PRH1: variants seen among roughly 807,000 people sequenced by gnomAD.
The protein encoded by PRH1 is proline rich protein HaeIII subfamily 1.
In PRH1, 7 loss-of-function variants were observed where a neutral mutation model predicts 7.9. That is an observed-to-expected ratio of 0.89 (90% CI 0.50 to 1.67). The LOEUF (loss-of-function observed/expected upper bound fraction) is 1.67. PRH1 is among the 40% of genes most tolerant of loss of function. The probability of loss-of-function intolerance (pLI) is 0.00; values close to 1 mark genes in which losing one functional copy is unlikely to be tolerated. For synonymous variants in PRH1, 45 were observed against 80.8 expected, an observed-to-expected ratio of 0.56 and a Z score of 2.38; for missense variants, 109 against 223.6, an observed-to-expected ratio of 0.49 and a Z score of 3.27.
intron 2 of PRH1, among the ~76,000 whole-genome samples, chr12:10,954,088 A>C (rs1937828739): frequency 1.3e-5 from 2 of 152,194 alleles, no homozygotes; most frequent in Admixed American, 6.5e-5. Context: ...CACCAGACCC[A>C]CCTCACAAGA....
chr12:11,031,149 A>G (rs761616031), intron 1 of PRH1: 2 of 1,613,094 alleles, frequency 1.2e-6, no homozygotes, highest in Admixed American at 3.3e-5. Context: ...CAATTTAATA[A>G]TAATACCCAG....
At chr12:11,139,003 G>A (rs79443812) in intron 1 of PRH1, among the ~76,000 whole-genome samples, 5,370 of 152,202 alleles carry the variant, frequency 0.035, 308 homozygotes, top group African/African-American at 0.12. Flanking sequence ...TTGCACTTGT[G>A]CACTCCAGCC....
At chr12:10,920,534 A>T (rs1223126688) in intron 2 of PRH1, among the ~76,000 whole-genome samples, 1 of 152,058 alleles carries the variant, frequency 6.6e-6, no homozygotes, top group Admixed American at 6.6e-5. Flanking sequence ...AAGAAAGGGA[A>T]TTTTTTTAAT....
At chr12:11,163,609 G>C (rs1444276582) in intron 1 of PRH1, among the ~76,000 whole-genome samples, 1 of 152,066 alleles carries the variant, frequency 6.6e-6, no homozygotes, top group African/African-American at 2.4e-5. Flanking sequence ...AAGATTTTCA[G>C]CATGAGAAAA....
chr12:10,958,661 C>T (rs548284970), intron 2 of PRH1, among the ~76,000 whole-genome samples: 10 of 152,136 alleles, frequency 6.6e-5, no homozygotes, highest in South Asian at 2.1e-4. Context: ...GGAGTGATAA[C>T]GTTCAGTGTT....
chr12:11,013,027 G>A (rs1941135617), intron 1 of PRH1, among the ~76,000 whole-genome samples: 1 of 152,140 alleles, frequency 6.6e-6, no homozygotes, highest in Admixed American at 6.6e-5. Context: ...AGTCTTTGCA[G>A]GTGAAGGGTC....
chr12:11,083,530 T>TTTAATATTGTGA (rs1400757904), intron 1 of PRH1, among the ~76,000 whole-genome samples: 7 of 31,410 alleles, frequency 2.2e-4, no homozygotes, highest in South Asian at 1.2e-3. Context: ...TTGTGAAACA[T>TTTAATATTGTGA]AACATACATA....
At chr12:11,145,721 C>T (rs191255684) in intron 1 of PRH1, among the ~76,000 whole-genome samples, 323 of 151,900 alleles carry the variant, frequency 2.1e-3, no homozygotes, top group Non-Finnish European at 3.7e-3. Flanking sequence ...AGGTTAAAGT[C>T]GCTTAAGCCA....
chr12:10,914,737 T>C (rs1053896131), intron 2 of PRH1, among the ~76,000 whole-genome samples: 3 of 152,162 alleles, frequency 2.0e-5, no homozygotes, highest in Admixed American at 6.5e-5. Flanking sequence ...GAAAAAAATA[T>C]ATCAGAAAGA....
chr12:11,134,369 A>G, intron 1 of PRH1: 4 of 1,158,864 alleles, frequency 3.5e-6, no homozygotes, highest in East Asian at 5.1e-5. Context: ...CATTCTTTTT[A>G]CTTTTAATTG....
chr12:10,962,105 G>A (rs1435970858), intron 2 of PRH1, among the ~76,000 whole-genome samples: 1 of 152,086 alleles, frequency 6.6e-6, no homozygotes, highest in African/African-American at 2.4e-5. Flanking sequence ...ATCAGACACT[G>A]GCTCTAGTTC....
chr12:11,027,535 G>A (rs1053068462), intron 1 of PRH1, among the ~76,000 whole-genome samples: 2 of 152,236 alleles, frequency 1.3e-5, no homozygotes, highest in South Asian at 2.1e-4. Context: ...GAGACACAAT[G>A]TTTTGGGGGC....
chr12:11,064,880 C>T (rs377158609), intron 1 of PRH1, among the ~76,000 whole-genome samples: 17 of 152,014 alleles, frequency 1.1e-4, no homozygotes, highest in African/African-American at 3.1e-4. Context: ...TGCAACACAG[C>T]GAAACTGTGT....
intron 2 of PRH1, among the ~76,000 whole-genome samples, chr12:10,948,736 G>A (rs1213779691): frequency 6.6e-6 from 1 of 152,130 alleles, no homozygotes; most frequent in Non-Finnish European, 1.5e-5. Flanking sequence ...TCTCATCTCT[G>A]TATGTGGGTG....
In PRH1 at chr12:10,986,493, C is replaced by T. The variant is rs139416444; in HGVS notation, c.-125-12772G>A. The T allele has an allele frequency of 5.3e-5, 85 of 1,613,890 alleles. No individual in the cohort carries two copies. Among genetic ancestry groups the T allele is most frequent in the Non-Finnish European group, 7.0e-5 (83 of 1,180,008 alleles). On this transcript the variant is annotated intron_variant, in intron 1 of 3. Coordinates refer to the PRH1 transcript ENST00000539853. Reference sequence around the variant, plus strand: ...CACCAGAATGACACTCCTAACTCTCCTCTTTAAATGAAGAAAAAGAAGGTT... The same window carrying T: ...CACCAGAATGACACTCCTAACTCTCTTCTTTAAATGAAGAAAAAGAAGGTT...
chr12:11,071,746 G>A (rs1944079608), intron 1 of PRH1, among the ~76,000 whole-genome samples: 1 of 152,124 alleles, frequency 6.6e-6, no homozygotes, highest in African/African-American at 2.4e-5. Context: ...TGCTCGGCTG[G>A]ACTGACAAGC....
At chr12:11,036,172 C>A (rs1005916042) in intron 1 of PRH1, among the ~76,000 whole-genome samples, 2 of 151,846 alleles carry the variant, frequency 1.3e-5, no homozygotes, top group Non-Finnish European at 2.9e-5. Flanking sequence ...GGATTACAGG[C>A]GTGAGCCACC....
chr12:11,057,449 C>T (rs1455982138), intron 1 of PRH1, among the ~76,000 whole-genome samples: 3 of 152,176 alleles, frequency 2.0e-5, no homozygotes, highest in South Asian at 2.1e-4. Flanking sequence ...TCACATTCTT[C>T]GTGAACTGTA....
At chr12:11,160,643 G>A (rs1052133376) in intron 1 of PRH1, among the ~76,000 whole-genome samples, 10 of 151,988 alleles carry the variant, frequency 6.6e-5, no homozygotes, top group African/African-American at 2.2e-4. Context: ...GCTGATTTTT[G>A]TATTTTCAGT....
Sources: gnomAD v4.1 joint callset for allele counts (sites outside exome capture counted in the v4.1 genomes callset) on GRCh38, gnomAD v4.1.1 for gene constraint, MANE v1.5 for transcripts, NCBI Gene and HGNC (gene_info 2026-07-23, HGNC 2026-07-21) for gene names.